Variants in SYT1 observed in about 807,000 individuals in gnomAD.
The protein encoded by SYT1 is synaptotagmin 1.
Under a neutral mutation model 44.8 loss-of-function variants are expected in SYT1, and 8 were observed. The observed-to-expected ratio is 0.18, with a 90% CI of 0.10 to 0.32. The LOEUF is 0.32. Ranked by LOEUF, SYT1 falls within the 10% of genes least tolerant of loss-of-function variation. The pLI is 1.00. For synonymous variants in SYT1, 154 were observed against 188.8 expected (o/e 0.82, Z 1.51); for missense variants, 286 against 509.3 (o/e 0.56, Z 4.22).
At chr12:79,395,680 C>A (rs774853610) in intron 9 of SYT1, among the ~76,000 whole-genome samples, 1 of 150,496 alleles carries the variant, frequency 6.6e-6, no homozygotes, top group African/African-American at 2.5e-5. Flanking sequence ...AGCCAACATG[C>A]CTGACTATTA....
intron 8 of SYT1, among the ~76,000 whole-genome samples, chr12:79,322,931 G>A (rs1881434724): frequency 6.6e-6 from 1 of 152,112 alleles, no homozygotes; most frequent in South Asian, 2.1e-4. Context: ...CTTCTTTGGA[G>A]GATTTTTAAA....
intron 9 of SYT1, chr12:79,392,684 A>G (rs1275019724): frequency 6.6e-6 from 1 of 151,976 alleles, no homozygotes; most frequent in Admixed American, 6.6e-5. Context: ...TTTAATGAAG[A>G]TTAATCTGGT....
intron 4 of SYT1, among the ~76,000 whole-genome samples, chr12:79,227,496 A>G (rs931166704): frequency 5.9e-5 from 9 of 152,200 alleles, no homozygotes; most frequent in Admixed American, 5.2e-4. Context: ...AAAGTCAAAT[A>G]GCCAGAACTT....
intron 8 of SYT1, among the ~76,000 whole-genome samples, chr12:79,348,387 AC>A: frequency 6.6e-6 from 1 of 152,270 alleles, no homozygotes; most frequent in Non-Finnish European, 1.5e-5. Flanking sequence ...TAGATCTTAA[AC>A]CAGGAGGATC....
chr12:78,878,845 T>C (rs1012759076), intron 1 of SYT1, among the ~76,000 whole-genome samples: 6 of 151,714 alleles, frequency 4.0e-5, no homozygotes, highest in African/African-American at 1.5e-4. Context: ...TCCTCTGATT[T>C]ACATAGTCAT....
intron 3 of SYT1, among the ~76,000 whole-genome samples, chr12:79,214,463 T>G (rs1310624511): frequency 6.6e-6 from 1 of 152,232 alleles, no homozygotes; most frequent in African/African-American, 2.4e-5. Flanking sequence ...ATGTTGACCC[T>G]GTTTAGCAAA....
chr12:79,236,364 T>C (rs1876191121), intron 4 of SYT1, among the ~76,000 whole-genome samples: 1 of 152,224 alleles, frequency 6.6e-6, no homozygotes. Context: ...CTCAGTACTT[T>C]GTGAACTGAA....
chr12:79,033,577 G>A (rs1872948972), intron 2 of SYT1, among the ~76,000 whole-genome samples: 1 of 151,236 alleles, frequency 6.6e-6, no homozygotes, highest in African/African-American at 2.4e-5. Flanking sequence ...CCTACCTTTG[G>A]TCTTTTCTGT....
At chr12:79,040,415 T>C (rs983236428) in intron 2 of SYT1, among the ~76,000 whole-genome samples, 3 of 152,244 alleles carry the variant, frequency 2.0e-5, no homozygotes, top group African/African-American at 4.8e-5. Flanking sequence ...GCAGCATAAA[T>C]GTCTTCTTTT....
intron 1 of SYT1, among the ~76,000 whole-genome samples, chr12:78,892,625 T>C (rs935525783): frequency 6.6e-6 from 1 of 151,686 alleles, no homozygotes; most frequent in Non-Finnish European, 1.5e-5. Context: ...ACATTCATTT[T>C]ATTTTACTGG....
intron 3 of SYT1, among the ~76,000 whole-genome samples, chr12:79,160,586 C>T (rs1021231056): frequency 1.3e-5 from 2 of 151,958 alleles, no homozygotes; most frequent in African/African-American, 4.8e-5. Context: ...ATAAGAGATA[C>T]AGAGAAGTTA....
intron 3 of SYT1, among the ~76,000 whole-genome samples, chr12:79,176,164 C>A (rs996243750): frequency 5.3e-5 from 8 of 151,726 alleles, no homozygotes; most frequent in African/African-American, 1.5e-4. Flanking sequence ...GTGGTGCATG[C>A]CTGGAATCCC....
intron 3 of SYT1, among the ~76,000 whole-genome samples, chr12:79,208,153 G>T (rs1678031488): frequency 6.6e-6 from 1 of 152,054 alleles, no homozygotes; most frequent in Admixed American, 6.6e-5. Context: ...CTGCTTCCTG[G>T]AAATCAGAGT....
intron 4 of SYT1, among the ~76,000 whole-genome samples, chr12:79,275,491 T>A (rs1427904994): frequency 6.6e-6 from 1 of 152,032 alleles, no homozygotes; most frequent in African/African-American, 2.4e-5. Context: ...TACATGAATA[T>A]CAGTATTCCT....
intron 1 of SYT1, among the ~76,000 whole-genome samples, chr12:78,901,082 A>G (rs532575209): frequency 1.2e-4 from 19 of 152,232 alleles, no homozygotes; most frequent in South Asian, 4.1e-4. Context: ...ATGGATATGT[A>G]TCTCTATCTG....
chr12:79,087,472 A>G (rs1362180230), intron 3 of SYT1, among the ~76,000 whole-genome samples: 2 of 152,260 alleles, frequency 1.3e-5, no homozygotes, highest in East Asian at 1.9e-4. Flanking sequence ...TGTCTCATCT[A>G]TTCATCTAAC....
chr12:78,984,581 A>G (rs1869510200), intron 2 of SYT1, among the ~76,000 whole-genome samples: 1 of 152,034 alleles, frequency 6.6e-6, no homozygotes, highest in African/African-American at 2.4e-5. Context: ...ACAAATAAAA[A>G]TTACAAATTA....
chr12:79,389,978 G>GTCGGA (rs1884588625), intron 9 of SYT1, among the ~76,000 whole-genome samples: 1 of 151,610 alleles, frequency 6.6e-6, no homozygotes, highest in Admixed American at 6.6e-5. Context: ...TGTTGCCCAG[G>GTCGGA]CTGGAGTGCA....
At chr12:79,081,012 C>T (rs756817890) in intron 3 of SYT1, among the ~76,000 whole-genome samples, 48 of 152,220 alleles carry the variant, frequency 3.2e-4, no homozygotes, top group Middle Eastern at 3.4e-3. Flanking sequence ...TAAAACTCTT[C>T]AGATGGTATA....
Sources: gnomAD v4.1 joint callset for allele counts (sites outside exome capture counted in the v4.1 genomes callset) on GRCh38, gnomAD v4.1.1 for gene constraint, MANE v1.5 for transcripts, NCBI Gene and HGNC (gene_info 2026-07-23, HGNC 2026-07-21) for gene names.